The following FCHO2 variants were observed in gnomAD, a reference collection of about 807,000 sequenced individuals.
FCHO2 encodes F-BAR domain only protein 2.
In FCHO2, 43 loss-of-function variants were observed where a neutral mutation model predicts 114.1. The ratio of observed to expected loss-of-function variants is 0.38; its 90% CI spans 0.30 to 0.49. The LOEUF (loss-of-function observed/expected upper bound fraction) is 0.49. Ranked by LOEUF, FCHO2 falls within the 20% of genes least tolerant of loss-of-function variation. FCHO2 has a pLI of 0.97. For synonymous variants in FCHO2, 293 were observed against 315.2 expected (o/e 0.93, Z 0.75); for missense variants, 807 against 950.4 (o/e 0.85, Z 1.98).
In FCHO2 at chr5:72,982,993, A is replaced by T. The variant is rs576182776; in HGVS notation, c.126-6434A>T. On this transcript the variant is annotated intron_variant, in intron 2 of 25. Transcript: ENST00000430046. ...CAGTGGCGCGATCTCTGCTCACCGC[A>T]AGCTCCGCTTCCCGGGTTCATGCCA... Among the ~76,000 whole-genome samples the T allele has an allele frequency of 5.1e-3, 772 of 151,526 alleles. 11 individuals are homozygous for T. Among genetic ancestry groups the T allele is most frequent in the Non-Finnish European group, 3.7e-3 (253 of 67,886 alleles).
At chr5:73,008,089 A>G (rs1754814381) in intron 6 of FCHO2, among the ~76,000 whole-genome samples, 2 of 152,196 alleles carry the variant, frequency 1.3e-5, no homozygotes, top group Admixed American at 6.5e-5. Flanking sequence ...ATTGATACAC[A>G]AGGACTAGGT....
Position 73,087,919 on chromosome 5 carries a change from G to A in FCHO2, c.2411-149G>A, listed in dbSNP as rs559456850. Reference sequence around the variant, plus strand: ...GACACACCTGGGAGAGAGTTCTTACGGTCAGTATAGCTGAACACCTGTTAT... The same window carrying A: ...GACACACCTGGGAGAGAGTTCTTACAGTCAGTATAGCTGAACACCTGTTAT... On this transcript the variant is annotated intron_variant, in intron 25 of 25. Coordinates refer to ENST00000430046, the MANE Select transcript of FCHO2 (RefSeq NM_138782.3). The A allele has an allele frequency of 3.9e-4, 528 of 1,361,160 alleles. 1 individual carries two copies. Among genetic ancestry groups the A allele is most frequent in the Non-Finnish European group, 5.0e-4 (493 of 978,454 alleles). The allele number at this position is 1,361,160 out of a possible 1,614,324, so 84.3% of individuals were successfully genotyped here. A position where few individuals can be genotyped will look rare whatever the true frequency, so the allele number is the denominator to read the frequency against.
intron 1 of FCHO2, among the ~76,000 whole-genome samples, chr5:72,963,042 C>T (rs1306490948): frequency 6.6e-6 from 1 of 152,056 alleles, no homozygotes; most frequent in African/African-American, 2.4e-5. Flanking sequence ...GATAAATGTG[C>T]AAGAGGATGT....
chr5:73,073,043 A>T (rs935167766), intron 19 of FCHO2, among the ~76,000 whole-genome samples: 1 of 152,120 alleles, frequency 6.6e-6, no homozygotes, highest in Non-Finnish European at 1.5e-5. Context: ...AGTTAGATTT[A>T]CAGTGAAGTT....
intron 18 of FCHO2, among the ~76,000 whole-genome samples, chr5:73,067,253 G>T (rs979923083): frequency 2.6e-5 from 4 of 151,970 alleles, no homozygotes; most frequent in African/African-American, 9.7e-5. Flanking sequence ...CATTATGTTG[G>T]CCTAGAGGTT....
chr5:73,013,364 C>A (rs1471443186), intron 6 of FCHO2, among the ~76,000 whole-genome samples: 1 of 151,768 alleles, frequency 6.6e-6, no homozygotes, highest in East Asian at 1.9e-4. Context: ...AATATAGGGT[C>A]AGGGAATTAA....
chr5:73,024,340 G>A (rs1415911018), intron 8 of FCHO2, among the ~76,000 whole-genome samples: 1 of 152,162 alleles, frequency 6.6e-6, no homozygotes, highest in Non-Finnish European at 1.5e-5. Flanking sequence ...GGGATTACAG[G>A]TGTGAGCCAC....
At chr5:72,970,070 C>T (rs1028923838) in intron 2 of FCHO2, among the ~76,000 whole-genome samples, 2 of 152,174 alleles carry the variant, frequency 1.3e-5, no homozygotes, top group South Asian at 2.1e-4. Context: ...TCTTGTTTTC[C>T]TGCAACTTAC....
chr5:73,012,594 G>A (rs985119187), intron 6 of FCHO2, among the ~76,000 whole-genome samples: 3 of 147,398 alleles, frequency 2.0e-5, no homozygotes, highest in African/African-American at 7.7e-5. Flanking sequence ...ACTCCAGCCT[G>A]GCGACAGAGC....
intron 6 of FCHO2, among the ~76,000 whole-genome samples, chr5:73,011,315 G>T (rs7731235): frequency 0.14 from 21,672 of 151,998 alleles, 1,766 homozygotes; most frequent in East Asian, 0.35. Context: ...TTAGCTTATT[G>T]TAACTTCTTT....
chr5:72,998,291 T>C (rs1384395031), intron 5 of FCHO2, among the ~76,000 whole-genome samples: 2 of 151,928 alleles, frequency 1.3e-5, no homozygotes, highest in African/African-American at 4.8e-5. Context: ...ATCGAGACCA[T>C]CCTGGCTAAC....
At chr5:72,985,729 T>C (rs751915988) in intron 2 of FCHO2, among the ~76,000 whole-genome samples, 6 of 152,228 alleles carry the variant, frequency 3.9e-5, no homozygotes, top group Non-Finnish European at 7.3e-5. Context: ...ATTGGTTCTT[T>C]GAAGGTAACA....
At chr5:73,083,651 G>A (rs1222913435) in intron 24 of FCHO2, among the ~76,000 whole-genome samples, 1 of 152,124 alleles carries the variant, frequency 6.6e-6, no homozygotes, top group Non-Finnish European at 1.5e-5. Context: ...CAGCACTTTG[G>A]TAGGCCGAGG....
At chr5:73,012,396 G>A (rs1373639574) in intron 6 of FCHO2, among the ~76,000 whole-genome samples, 1 of 152,124 alleles carries the variant, frequency 6.6e-6, no homozygotes, top group African/African-American at 2.4e-5. Flanking sequence ...GCCGCGGCAG[G>A]TGGATCACGA....
At chr5:72,963,902 G>GTTTTTTTTT (rs70973214) in intron 1 of FCHO2, among the ~76,000 whole-genome samples, 11 of 95,718 alleles carry the variant, frequency 1.1e-4, no homozygotes, top group African/African-American at 2.5e-4. Flanking sequence ...GGAACTTTCA[G>GTTTTTTTTT]TTTTTTTTTT....
chr5:73,017,747 T>G (rs1309629156), intron 8 of FCHO2, among the ~76,000 whole-genome samples: 24 of 152,154 alleles, frequency 1.6e-4, no homozygotes, highest in Admixed American at 1.6e-3. Flanking sequence ...ATTTAATAAC[T>G]TCTTTCTTTT....
At chr5:72,975,324 G>T (rs1441637865) in intron 2 of FCHO2, among the ~76,000 whole-genome samples, 1 of 151,690 alleles carries the variant, frequency 6.6e-6, no homozygotes, top group Non-Finnish European at 1.5e-5. Flanking sequence ...TACATTATCT[G>T]ATTGATTGAT....
Position 73,087,581 on chromosome 5 carries a change from C to A in FCHO2, c.2246-8C>A, listed in dbSNP as rs761631431. ...CCCTGTGTAAGTGCTTTATTCTTTT[C>A]TTTGTAGGTTCTGGGTCCCTCCGAG... is the stretch of plus-strand genomic sequence containing the variant. On this transcript the variant is annotated splice_polypyrimidine_tract_variant and splice_region_variant and intron_variant, in intron 24 of 25. Transcript: ENST00000430046. 2 of 1,613,084 alleles carry A rather than the reference C, an allele frequency of 1.2e-6. No individual in the cohort carries two copies. Among genetic ancestry groups the A allele is most frequent in the Admixed American group, 3.3e-5 (2 of 59,822 alleles).
At chr5:72,956,567 C>T (rs1751555484) in intron 1 of FCHO2, among the ~76,000 whole-genome samples, 1 of 152,130 alleles carries the variant, frequency 6.6e-6, no homozygotes. Context: ...CTGCCCTCAC[C>T]GCGGGCCCCC....
Sources: gnomAD v4.1 joint callset for allele counts (sites outside exome capture counted in the v4.1 genomes callset) on GRCh38, gnomAD v4.1.1 for gene constraint, MANE v1.5 for transcripts, NCBI Gene and HGNC (gene_info 2026-07-23, HGNC 2026-07-21) for gene names.